NARS2: variants seen among roughly 807,000 people sequenced by gnomAD.
NARS2 encodes asparaginyl-tRNA synthetase 2, mitochondrial, also known as asparaginyl-tRNA synthetase.
NARS2 carries 60 observed loss-of-function variants against 62.9 expected under a neutral mutation model. The observed-to-expected ratio is 0.95, with a 90% CI of 0.77 to 1.18. The LOEUF is 1.18. NARS2 is among the 50% of genes most tolerant of loss of function. NARS2 has a pLI of 0.00. For missense variants in NARS2, 619 were observed against 576.4 expected (o/e 1.07, Z -0.76); for synonymous variants, 196 against 200.0 (o/e 0.98, Z 0.17).
chr11:78,503,832 G>A (rs7932315), intron 6 of NARS2, among the ~76,000 whole-genome samples: 102,098 of 152,010 alleles, frequency 0.67, 36,501 homozygotes, highest in Non-Finnish European at 0.81. Flanking sequence ...AATTGGAGGA[G>A]TAAGAAGGAG....
At chr11:78,552,557 C>T (rs1226191829) in intron 5 of NARS2, among the ~76,000 whole-genome samples, 1 of 152,158 alleles carries the variant, frequency 6.6e-6, no homozygotes, top group African/African-American at 2.4e-5. Flanking sequence ...GGGCAAACTT[C>T]CTCTCATTCT....
chr11:78,446,117 C>T (rs1012829586), intron 11 of NARS2, among the ~76,000 whole-genome samples: 8 of 152,300 alleles, frequency 5.3e-5, no homozygotes, highest in African/African-American at 1.9e-4. Flanking sequence ...ACATTTTAAT[C>T]TTTAAATGTC....
chr11:78,469,358 AGCT>A (rs1565218720), intron 9 of NARS2, 45 bp from the exon 10 acceptor site: 1 of 1,401,550 alleles, frequency 7.1e-7, no homozygotes, highest in Non-Finnish European at 1.0e-6. Context: ...AATACAATGG[AGCT>A]GCTAACTAGT....
chr11:78,499,979 T>C (rs1352789039), intron 6 of NARS2, among the ~76,000 whole-genome samples: 1 of 152,250 alleles, frequency 6.6e-6, no homozygotes, highest in Non-Finnish European at 1.5e-5. Context: ...TAGTGGTCCT[T>C]GCTCTGAGGA....
chr11:78,441,077 G>A lies in NARS2; in HGVS notation c.1289+14C>T, dbSNP rs1384353694. On this transcript the variant is annotated intron_variant, in intron 13 of 13. Transcript: ENST00000281038. ...AGCAGCTAGAGTAAGAATTATTAGG[G>A]GCCACATTCTTACCATTGGTAGACT... 7 of 1,610,236 alleles carry A rather than the reference G, an allele frequency of 4.3e-6. No individual in the cohort carries two copies. Among genetic ancestry groups the A allele is most frequent in the Non-Finnish European group, 5.9e-6 (7 of 1,177,890 alleles).
chr11:78,491,657 T>C (rs539594916), intron 7 of NARS2, among the ~76,000 whole-genome samples: 172 of 152,304 alleles, frequency 1.1e-3, no homozygotes, highest in Middle Eastern at 6.8e-3. Flanking sequence ...CAGAAGAAGC[T>C]AAGGCCTCTG....
intron 6 of NARS2, among the ~76,000 whole-genome samples, chr11:78,503,636 G>A (rs1394886122): frequency 6.6e-6 from 1 of 152,166 alleles, no homozygotes; most frequent in Non-Finnish European, 1.5e-5. Flanking sequence ...ACTTGCAGAG[G>A]CCTATATACT....
At position 78,436,501 on chromosome 11, in the gene NARS2, A is replaced by G; in HGVS notation, c.*169T>C. 1 of 851,850 alleles carries G rather than the reference A, an allele frequency of 1.2e-6. No individual in the cohort carries two copies. The highest frequency in any genetic ancestry group is 2.0e-5 in the South Asian group (1 of 49,206). 52.8% of individuals were successfully genotyped at this position (851,850 alleles called of 1,614,324 possible). A position where few individuals can be genotyped will look rare whatever the true frequency, so the allele number is the denominator to read the frequency against. ...CTCATCCTTACGTGAAATACCCTCA[A>G]CTTTCTAAGAAAATCACAACCACTT... On this transcript the variant is annotated 3_prime_UTR_variant, in exon 14 of 14. Transcript: ENST00000281038.
chr11:78,450,025 G>C (rs1389565549), intron 11 of NARS2, among the ~76,000 whole-genome samples: 1 of 152,184 alleles, frequency 6.6e-6, no homozygotes, highest in Admixed American at 6.5e-5. Context: ...CATTTGTACA[G>C]AAGCAACGTA....
intron 13 of NARS2, among the ~76,000 whole-genome samples, chr11:78,439,996 G>A (rs768821690): frequency 2.0e-5 from 3 of 152,068 alleles, no homozygotes; most frequent in Non-Finnish European, 4.4e-5. Context: ...GGATCACTTA[G>A]CTCAAGCCCC....
intron 9 of NARS2, among the ~76,000 whole-genome samples, chr11:78,474,004 C>T (rs1276264964): frequency 6.6e-6 from 1 of 152,240 alleles, no homozygotes; most frequent in Non-Finnish European, 1.5e-5. Context: ...CTCAGCATCA[C>T]ACCAACTGTC....
At chr11:78,477,981 C>T (rs1859175272) in intron 9 of NARS2, among the ~76,000 whole-genome samples, 1 of 152,330 alleles carries the variant, frequency 6.6e-6, no homozygotes, top group African/African-American at 2.4e-5. Flanking sequence ...CTGGAGAACT[C>T]TAATACACAG....
intron 11 of NARS2, among the ~76,000 whole-genome samples, chr11:78,461,879 G>C (rs1478753083): frequency 5.3e-5 from 8 of 152,000 alleles, no homozygotes; most frequent in Admixed American, 4.6e-4. Flanking sequence ...CTTGAACCCG[G>C]GAGACAGAGG....
At position 78,516,565 on chromosome 11, in the gene NARS2, G is replaced by A. The variant is rs148908471; in HGVS notation, c.689+12277C>T. ...TCATCAGACTCTATAGGGTCACGAA[G>A]GTTGAAATTATATCTGTCTTGTTCA... On this transcript the variant is annotated intron_variant, in intron 6 of 13. Transcript: ENST00000281038. Among the ~76,000 whole-genome samples, 461 of 152,260 alleles carry A rather than the reference G, an allele frequency of 3.0e-3. 1 individual carries two copies. Among genetic ancestry groups the A allele is most frequent in the African/African-American group, 0.01 (436 of 41,544 alleles).
intron 6 of NARS2, among the ~76,000 whole-genome samples, chr11:78,502,409 T>C (rs1253213261): frequency 6.6e-6 from 1 of 152,218 alleles, no homozygotes; most frequent in African/African-American, 2.4e-5. Flanking sequence ...TCTCTTCTTA[T>C]ATGGACACCA....
intron 11 of NARS2, among the ~76,000 whole-genome samples, chr11:78,444,727 C>CAAAGAAAAAAAAA (rs56788561): frequency 0.011 from 1,035 of 92,050 alleles, 24 homozygotes; most frequent in African/African-American, 0.035. Flanking sequence ...TCAAACAAAA[C>CAAAGAAAAAAAAA]AAAAAAAAAA....
intron 6 of NARS2, among the ~76,000 whole-genome samples, chr11:78,506,167 T>C (rs1040500567): frequency 6.6e-6 from 1 of 152,320 alleles, no homozygotes; most frequent in African/African-American, 2.4e-5. Context: ...CTATACTCAC[T>C]AGAATGACTA....
At chr11:78,507,719 C>A (rs1055747204) in intron 6 of NARS2, among the ~76,000 whole-genome samples, 1 of 152,058 alleles carries the variant, frequency 6.6e-6, no homozygotes, top group African/African-American at 2.4e-5. Context: ...CAGGGTTTCA[C>A]CATGTTAACC....
intron 6 of NARS2, among the ~76,000 whole-genome samples, chr11:78,494,869 T>C (rs1859990708): frequency 6.6e-6 from 1 of 152,144 alleles, no homozygotes; most frequent in Non-Finnish European, 1.5e-5. Flanking sequence ...TCCAGCTCTG[T>C]TAATCTCAGT....
Sources: gnomAD v4.1 joint callset for allele counts (sites outside exome capture counted in the v4.1 genomes callset) on GRCh38, gnomAD v4.1.1 for gene constraint, MANE v1.5 for transcripts, NCBI Gene and HGNC (gene_info 2026-07-23, HGNC 2026-07-21) for gene names.